Variants in PCDH15 observed in about 807,000 individuals in gnomAD.
PCDH15 encodes the protein protocadherin related 15.
In PCDH15, 129 loss-of-function variants were observed where a neutral mutation model predicts 178.5. The observed-to-expected ratio is 0.72, with a 90% CI of 0.63 to 0.84. The LOEUF (loss-of-function observed/expected upper bound fraction) is 0.84. Ranked by LOEUF, PCDH15 falls within the 40% of genes least tolerant of loss-of-function variation. The pLI is 0.00. For missense variants in PCDH15, 2,230 were observed against 2,099.9 expected (o/e 1.06, Z -1.21); for synonymous variants, 800 against 732.0 (o/e 1.09, Z -1.50).
chr10:54,169,897 G>T (rs915875938), intron 13 of PCDH15, among the ~76,000 whole-genome samples: 1 of 150,828 alleles, frequency 6.6e-6, no homozygotes, highest in African/African-American at 2.4e-5. Context: ...CAGAATCTGC[G>T]CCTTATCAAC....
chr10:54,177,465 G>A (rs1195213865), intron 13 of PCDH15, among the ~76,000 whole-genome samples: 1 of 151,986 alleles, frequency 6.6e-6, no homozygotes, highest in African/African-American at 2.4e-5. Flanking sequence ...ATTAATTGTG[G>A]CAAATGTATC....
intron 2 of PCDH15, among the ~76,000 whole-genome samples, chr10:55,013,132 CT>C (rs1298947378): frequency 9.2e-5 from 14 of 152,028 alleles, no homozygotes; most frequent in African/African-American, 3.1e-4. Flanking sequence ...TCACTAAATC[CT>C]TTTGATTTTA....
chr10:54,423,045 GT>G (rs1310003734), intron 3 of PCDH15, among the ~76,000 whole-genome samples: 2 of 152,100 alleles, frequency 1.3e-5, no homozygotes, highest in Non-Finnish European at 2.9e-5. Context: ...GATACAGCCA[GT>G]TTTTTCTCTA....
chr10:53,904,928 C>T (rs1461310032), intron 25 of PCDH15, among the ~76,000 whole-genome samples: 1 of 152,114 alleles, frequency 6.6e-6, no homozygotes, highest in Non-Finnish European at 1.5e-5. Context: ...CTTAGAGTGA[C>T]AGAGGTCTCG....
intron 2 of PCDH15, among the ~76,000 whole-genome samples, chr10:55,346,071 T>G (rs1403288796): frequency 6.6e-6 from 1 of 152,140 alleles, no homozygotes; most frequent in Non-Finnish European, 1.5e-5. Context: ...AAACCTTAGC[T>G]AAACTAACAA....
At chr10:54,654,057 T>C (rs998819087) in intron 2 of PCDH15, among the ~76,000 whole-genome samples, 4 of 152,216 alleles carry the variant, frequency 2.6e-5, no homozygotes, top group African/African-American at 9.6e-5. Context: ...ATTGTCACCA[T>C]TGTGTGCAAT....
At chr10:54,084,479 T>TA (rs1320309332) in intron 16 of PCDH15, among the ~76,000 whole-genome samples, 2 of 149,906 alleles carry the variant, frequency 1.3e-5, no homozygotes, top group South Asian at 2.1e-4. Flanking sequence ...TCTCAAAAAA[T>TA]AAAAAAAATA....
intron 2 of PCDH15, among the ~76,000 whole-genome samples, chr10:55,369,954 G>C (rs1386301952): frequency 6.6e-6 from 1 of 151,796 alleles, no homozygotes; most frequent in African/African-American, 2.4e-5. Context: ...AATGGCAATA[G>C]CTTGAAAAAA....
At chr10:54,461,982 G>T (rs192722015) in intron 3 of PCDH15, among the ~76,000 whole-genome samples, 3 of 152,010 alleles carry the variant, frequency 2.0e-5, no homozygotes, top group Non-Finnish European at 2.9e-5. Flanking sequence ...AAATCTTAGA[G>T]AAATTTAACA....
chr10:55,619,742 T>C (rs1020099971), intron 2 of PCDH15, among the ~76,000 whole-genome samples: 18 of 152,072 alleles, frequency 1.2e-4, no homozygotes, highest in African/African-American at 3.6e-4. Flanking sequence ...GTGTTTTTGA[T>C]TACTTATCAT....
chr10:54,234,081 A>T (rs1034015062), intron 9 of PCDH15, among the ~76,000 whole-genome samples: 1 of 151,720 alleles, frequency 6.6e-6, no homozygotes, highest in Non-Finnish European at 1.5e-5. Context: ...ATTTAGGGAA[A>T]ATTAAGAGTT....
chr10:54,112,148 A>T (rs1422817779), intron 15 of PCDH15, among the ~76,000 whole-genome samples: 1 of 151,896 alleles, frequency 6.6e-6, no homozygotes, highest in Non-Finnish European at 1.5e-5. Context: ...TCTCAAAATA[A>T]ATAAATAAAT....
chr10:55,197,391 T>G (rs931235267), intron 1 of PCDH15, among the ~76,000 whole-genome samples: 2 of 152,216 alleles, frequency 1.3e-5, no homozygotes, highest in African/African-American at 2.4e-5. Flanking sequence ...TTGATTAAAT[T>G]TTCTATTGAT....
At chr10:54,799,476 A>C (rs1952412156) in intron 1 of PCDH15, among the ~76,000 whole-genome samples, 1 of 152,140 alleles carries the variant, frequency 6.6e-6, no homozygotes, top group South Asian at 2.1e-4. Context: ...TTTTATTTAA[A>C]TCTTTTTGTG....
chr10:54,960,577 A>C (rs1032798169), intron 2 of PCDH15, among the ~76,000 whole-genome samples: 4 of 152,168 alleles, frequency 2.6e-5, no homozygotes, highest in African/African-American at 9.7e-5. Context: ...TGTCCATAAT[A>C]AAAAAAGATT....
At chr10:54,980,487 C>A (rs751220312) in intron 2 of PCDH15, among the ~76,000 whole-genome samples, 4 of 151,968 alleles carry the variant, frequency 2.6e-5, no homozygotes, top group Non-Finnish European at 5.9e-5. Flanking sequence ...ATTTTCCTCT[C>A]TTTTTCAAGT....
At chr10:54,914,192 T>C (rs369572494) in intron 2 of PCDH15, among the ~76,000 whole-genome samples, 40 of 152,236 alleles carry the variant, frequency 2.6e-4, no homozygotes, top group African/African-American at 9.1e-4. Flanking sequence ...ATTCTCAGTG[T>C]TTGAGGAGGG....
intron 8 of PCDH15, among the ~76,000 whole-genome samples, chr10:54,271,371 C>T (rs933036498): frequency 2.0e-5 from 3 of 151,838 alleles, no homozygotes; most frequent in Admixed American, 2.0e-4. Context: ...CCCCCACGCC[C>T]GGCTAATTTT....
Position 55,211,734 on chromosome 10 carries a change from T to C in PCDH15, c.-155-45083A>G, listed in dbSNP as rs190222773. Among the ~76,000 whole-genome samples the C allele has an allele frequency of 2.8e-3, 424 of 152,158 alleles. 2 individuals carry two copies. Among genetic ancestry groups the C allele is most frequent in the African/African-American group, 9.8e-3 (405 of 41,478 alleles). Reference sequence around the variant, plus strand: ...AAAGCGGGCAGACACTAAATATATATAGACAAATTGACTTAAAGTGAACAA... The same window carrying C: ...AAAGCGGGCAGACACTAAATATATACAGACAAATTGACTTAAAGTGAACAA... On this transcript the variant is annotated intron_variant, in intron 1 of 5. Transcript: ENST00000458638.
Sources: allele counts gnomAD v4.1 joint callset (sites outside exome capture counted in the v4.1 genomes callset), GRCh38; gene constraint gnomAD v4.1.1; transcripts MANE v1.5; gene names NCBI Gene and HGNC (gene_info 2026-07-23, HGNC 2026-07-21).